CREBBP: variants seen among roughly 807,000 people sequenced by gnomAD.
The protein encoded by CREBBP is CREB binding lysine acetyltransferase, also known as CREB-binding protein.
A neutral mutation model predicts 265.0 loss-of-function variants in CREBBP; 19 were observed. That is an observed-to-expected ratio of 0.07 (90% CI 0.05 to 0.11). The LOEUF (loss-of-function observed/expected upper bound fraction) is 0.11. CREBBP is among the 10% of genes least tolerant of loss of function. CREBBP has a pLI of 1.00. For synonymous variants in CREBBP, 1,457 were observed against 1,223.7 expected, an observed-to-expected ratio of 1.19 and a Z score of -3.98; for missense variants, 2,525 against 3,219.0, an observed-to-expected ratio of 0.78 and a Z score of 5.22.
intron 14 of CREBBP, among the ~76,000 whole-genome samples, chr16:3,769,744 A>T (rs981780533): frequency 1.3e-5 from 2 of 152,226 alleles, no homozygotes; most frequent in Non-Finnish European, 2.9e-5. Context: ...GAGGGAAATC[A>T]AGTGCCTACC....
At chr16:3,803,481 G>C (rs2053767187) in intron 3 of CREBBP, among the ~76,000 whole-genome samples, 1 of 151,864 alleles carries the variant, frequency 6.6e-6, no homozygotes, top group African/African-American at 2.4e-5. Flanking sequence ...CTCTAGCCTG[G>C]GCGACAGATC....
rs2054746485 is a variant in CREBBP, at chr16:3,849,423, GTGTGTGTGTGTGT to G, written c.798+861_798+873del. Among the ~76,000 whole-genome samples, 45 of 9,842 alleles carry G rather than the reference GTGTGTGTGTGTGT, an allele frequency of 4.6e-3. 2 individuals are homozygous for G. Among genetic ancestry groups the G allele is most frequent in the Admixed American group, 0.012 (6 of 510 alleles). 6.5% of individuals were successfully genotyped at this position (9,842 alleles called of 152,430 possible). ...TGTGTGTGTGTGTGTGTGTGTGTGT[GTGTGTGTGTGTGT>G]GTGTGTGTGTGTGTGTGTGTGTGTG... On this transcript the variant is annotated intron_variant, in intron 2 of 30. Coordinates refer to ENST00000262367, the MANE Select transcript of CREBBP (RefSeq NM_004380.3).
intron 16 of CREBBP, chr16:3,761,675 G>A (rs540756627): frequency 2.3e-5 from 11 of 485,682 alleles, no homozygotes; most frequent in South Asian, 1.2e-4. Context: ...AAACCCCGAC[G>A]CAGCACTCCC....
chr16:3,734,420 G>C (rs1003599602), intron 28 of CREBBP, among the ~76,000 whole-genome samples: 2 of 152,168 alleles, frequency 1.3e-5, no homozygotes, highest in African/African-American at 4.8e-5. Context: ...CACAGGGAAG[G>C]CTGCCCCAGC....
intron 25 of CREBBP, among the ~76,000 whole-genome samples, chr16:3,739,144 T>C (rs1165340989): frequency 6.6e-6 from 1 of 152,140 alleles, no homozygotes; most frequent in East Asian, 1.9e-4. Context: ...TGGAATTCAG[T>C]TTTCGTCACT....
chr16:3,811,145 T>C (rs370696902), intron 2 of CREBBP, among the ~76,000 whole-genome samples: 22 of 152,174 alleles, frequency 1.4e-4, no homozygotes, highest in Middle Eastern at 6.3e-3. Flanking sequence ...AATTACTCTA[T>C]AGGTATCTAG....
chr16:3,748,727 C>A (rs374871079), intron 21 of CREBBP, among the ~76,000 whole-genome samples: 1 of 152,126 alleles, frequency 6.6e-6, no homozygotes, highest in African/African-American at 2.4e-5. Flanking sequence ...ATTTGGAGCG[C>A]CCTCAGAACT....
At chr16:3,876,713 C>G (rs988040412) in intron 1 of CREBBP, among the ~76,000 whole-genome samples, 6 of 152,130 alleles carry the variant, frequency 3.9e-5, no homozygotes, top group Non-Finnish European at 7.4e-5. Context: ...AAATTCTGTG[C>G]CTCTCCAGGG....
At chr16:3,817,467 T>C (rs2054060420) in intron 2 of CREBBP, among the ~76,000 whole-genome samples, 1 of 145,306 alleles carries the variant, frequency 6.9e-6, no homozygotes, top group Non-Finnish European at 1.6e-5. Flanking sequence ...ACCAGGAGAA[T>C]CTCTCTACTA....
In CREBBP at chr16:3,802,801, T is replaced by C. The variant is rs2053744946; in HGVS notation, c.975+7802A>G. On this transcript the variant is annotated intron_variant, in intron 3 of 30. Coordinates refer to ENST00000262367, the MANE Select transcript of CREBBP (RefSeq NM_004380.3). Reference sequence around the variant, plus strand: ...TGCTGCTCGTCCTCAACCTTCCACATCGCAACAGGGTCCAAACCTATGCTC... The same window carrying C: ...TGCTGCTCGTCCTCAACCTTCCACACCGCAACAGGGTCCAAACCTATGCTC... 3.3e-5 allele frequency among the ~76,000 whole-genome samples: 5 copies of C among 152,124 alleles called. No individual in the cohort carries two copies. The South Asian group carries it at 1.0e-3, about 32-fold the overall frequency.
chr16:3,761,991 T>C lies in CREBBP; in HGVS notation c.3251-3019A>G, dbSNP rs74424240. On this transcript the variant is annotated intron_variant, in intron 16 of 30. Coordinates refer to ENST00000262367, the MANE Select transcript of CREBBP (RefSeq NM_004380.3). ...AGAGCTAACAATGGATTTCACATTG[T>C]TTAATGTTTGGCAGAAGAAAAAGAA... Among the ~76,000 whole-genome samples, 341 of 152,332 alleles carry C rather than the reference T, an allele frequency of 2.2e-3. 2 individuals carry two copies. The highest frequency in any genetic ancestry group is 7.6e-3 in the African/African-American group (317 of 41,576).
At chr16:3,759,364 G>A (rs567928370) in intron 16 of CREBBP, among the ~76,000 whole-genome samples, 2 of 152,160 alleles carry the variant, frequency 1.3e-5, no homozygotes, top group Middle Eastern at 3.4e-3. Context: ...TGAGGAGGGC[G>A]GATCACCTGA....
intron 3 of CREBBP, among the ~76,000 whole-genome samples, chr16:3,802,592 G>C (rs766887753): frequency 6.6e-6 from 1 of 151,954 alleles, no homozygotes; most frequent in African/African-American, 2.4e-5. Context: ...GGATAATAAC[G>C]CTTATCCTCA....
chr16:3,813,389 C>T (rs2053974935), intron 2 of CREBBP, among the ~76,000 whole-genome samples: 1 of 152,164 alleles, frequency 6.6e-6, no homozygotes, highest in African/African-American at 2.4e-5. Context: ...ATATTAAGCA[C>T]ATTTCTGATT....
chr16:3,755,710 G>A (rs1229257281), intron 19 of CREBBP, among the ~76,000 whole-genome samples: 1 of 152,124 alleles, frequency 6.6e-6, no homozygotes, highest in Non-Finnish European at 1.5e-5. Context: ...AAGGGGCTAT[G>A]GTATCATTTT....
At chr16:3,803,436 CAGAGGTGGCAGTGAGCCA>C (rs1370141243) in intron 3 of CREBBP, among the ~76,000 whole-genome samples, 2 of 151,766 alleles carry the variant, frequency 1.3e-5, no homozygotes, top group Non-Finnish European at 2.9e-5. Context: ...ACCTGGGAGG[CAGAGGTGGCAGTGAGCCA>C]AGATCGCGCC....
chr16:3,872,214 T>TA (rs1345184138), intron 1 of CREBBP, among the ~76,000 whole-genome samples: 2 of 152,118 alleles, frequency 1.3e-5, no homozygotes, highest in Non-Finnish European at 2.9e-5. Flanking sequence ...TCACCGCCTA[T>TA]ATTGTCTAGG....
At chr16:3,844,147 C>CA (rs545907683) in intron 2 of CREBBP, among the ~76,000 whole-genome samples, 2,698 of 19,302 alleles carry the variant, frequency 0.14, 375 homozygotes, top group African/African-American at 0.23. Context: ...GACTCCGTCT[C>CA]AAAAAAAAAA....
intron 2 of CREBBP, among the ~76,000 whole-genome samples, chr16:3,829,151 GTATAAA>G (rs2054295054): frequency 6.6e-6 from 1 of 151,978 alleles, no homozygotes; most frequent in African/African-American, 2.4e-5. Flanking sequence ...ATGGTAATTT[GTATAAA>G]TATAACTCTT....
Sources: gnomAD v4.1 joint callset for allele counts (sites outside exome capture counted in the v4.1 genomes callset) on GRCh38, gnomAD v4.1.1 for gene constraint, MANE v1.5 for transcripts, NCBI Gene and HGNC (gene_info 2026-07-23, HGNC 2026-07-21) for gene names.